Variants in SENP1 observed in about 807,000 individuals in gnomAD.
SENP1 encodes SUMO specific peptidase 1.
In SENP1, 21 loss-of-function variants were observed where a neutral mutation model predicts 93.0. The observed-to-expected ratio is 0.23, with a 90% confidence interval of 0.16 to 0.33. The LOEUF (loss-of-function observed/expected upper bound fraction) is 0.33, where lower values mean the gene tolerates loss of function less well. SENP1 is among the 10% of genes least tolerant of loss of function. SENP1 has a pLI of 1.00. For missense variants in SENP1, 591 were observed against 758.7 expected, an observed-to-expected ratio of 0.78 and a Z score of 2.60; for synonymous variants, 256 against 259.6, an observed-to-expected ratio of 0.99 and a Z score of 0.13.
intron 4 of SENP1, among the ~76,000 whole-genome samples, chr12:48,090,495 A>C (rs1945148630): frequency 6.6e-6 from 1 of 152,224 alleles, no homozygotes. Flanking sequence ...GTTTAAACAG[A>C]AAAAGGTGGT....
Position 48,106,064 on chromosome 12 carries a change from G to A in SENP1, c.-81C>T, listed in dbSNP as rs1391533426. ...CGGCTGCCATGCGAAGGGGTTTCCG[G>A]CCGGGCGCGGAACGCAAAACCCGGG... On this transcript the variant is annotated 5_prime_UTR_variant, in exon 1 of 18. Transcript: ENST00000549518. 2.4e-5 allele frequency: 17 copies of A among 702,322 alleles called. No individual in the cohort carries two copies. In the Admixed American group the frequency reaches 3.4e-4, roughly 14 times the overall value. 43.5% of individuals were successfully genotyped at this position (702,322 alleles called of 1,614,324 possible). A position where few individuals can be genotyped will look rare whatever the true frequency, so the allele number is the denominator to read the frequency against.
At chr12:48,085,221 C>CAA in intron 5 of SENP1, 1 of 1,538,464 alleles carries the variant, frequency 6.5e-7, no homozygotes, top group South Asian at 1.1e-5. Flanking sequence ...CACTTTCCGG[C>CAA]AATTTCTAAA....
chr12:48,057,618 A>G lies in SENP1; in HGVS notation c.1407+6092T>C, dbSNP rs1376439838. The stretch of plus-strand genomic sequence containing the variant: ...TATTTTATATATTTTATATATGTAT[A>G]TATTTTTTAATTGAAACAGTCTTGC... On this transcript the variant is annotated intron_variant, in intron 13 of 17. Coordinates refer to ENST00000549518, the MANE Select transcript of SENP1 (RefSeq NM_001267594.2). Among the ~76,000 whole-genome samples, 3 of 87,450 alleles carry G rather than the reference A, an allele frequency of 3.4e-5. No individual in the cohort carries two copies. In the Admixed American group the frequency reaches 3.9e-4, roughly 11 times the overall value. The allele number at this position is 87,450 out of a possible 152,430, so 57.4% of individuals were successfully genotyped here. A position where few individuals can be genotyped will look rare whatever the true frequency, so the allele number is the denominator to read the frequency against.
chr12:48,077,665 G>A (rs974373580), intron 6 of SENP1, among the ~76,000 whole-genome samples: 1 of 151,872 alleles, frequency 6.6e-6, no homozygotes, highest in African/African-American at 2.4e-5. Context: ...CATGTGCCAC[G>A]TTGGTATGCT....
intron 1 of SENP1, among the ~76,000 whole-genome samples, chr12:48,104,041 T>C (rs1946166667): frequency 6.6e-6 from 1 of 151,810 alleles, no homozygotes; most frequent in Non-Finnish European, 1.5e-5. Flanking sequence ...TGAAACCCTG[T>C]CTCTACGAAA....
chr12:48,098,229 G>T, intron 2 of SENP1, 105 bp from the exon 3 acceptor site: 1 of 1,154,208 alleles, frequency 8.7e-7, no homozygotes, highest in Non-Finnish European at 1.2e-6. Context: ...CCCAGGCATG[G>T]TGTCTCATGC....
At chr12:48,059,294 T>G (rs909034669) in intron 13 of SENP1, among the ~76,000 whole-genome samples, 1 of 152,214 alleles carries the variant, frequency 6.6e-6, no homozygotes, top group Middle Eastern at 3.2e-3. Flanking sequence ...TATCTTTCTT[T>G]GGCTTTTTTT....
intron 5 of SENP1, among the ~76,000 whole-genome samples, chr12:48,084,860 A>C (rs1367947473): frequency 6.6e-6 from 1 of 152,240 alleles, no homozygotes; most frequent in Non-Finnish European, 1.5e-5. Flanking sequence ...AGACTAGAGA[A>C]ACACAGCTGA....
At position 48,048,087 on chromosome 12, in the gene SENP1, A is replaced by G; in HGVS notation, c.1612-7T>C. On this transcript the variant is annotated splice_polypyrimidine_tract_variant and splice_region_variant and intron_variant, in intron 14 of 17. Transcript: ENST00000549518. The stretch of plus-strand genomic sequence containing the variant: ...TCTTTCTAAAGTCCACAACCTGAGA[A>G]TAAGAAAAAAAGTCTCTGTGTTTAT... 1.3e-6 allele frequency: 2 copies of G among 1,577,186 alleles called. No individual in the cohort carries two copies. Among genetic ancestry groups the G allele is most frequent in the Non-Finnish European group, 1.7e-6 (2 of 1,147,210 alleles).
chr12:48,103,818 TCA>T (rs1274553266), intron 1 of SENP1, among the ~76,000 whole-genome samples: 4 of 152,266 alleles, frequency 2.6e-5, no homozygotes, highest in Admixed American at 1.3e-4. Flanking sequence ...ACAAAAAAGA[TCA>T]CAGTCTTGAC....
intron 6 of SENP1, among the ~76,000 whole-genome samples, chr12:48,078,338 C>CATACATATATAT (rs1944272740): frequency 1.5e-4 from 4 of 26,840 alleles, no homozygotes; most frequent in Non-Finnish European, 3.9e-4. Context: ...TATATATACA[C>CATACATATATAT]ACACATATAT....
chr12:48,048,130 T>C (rs375793112), intron 14 of SENP1, 50 bp from the exon 15 acceptor site: 1 of 1,267,292 alleles, frequency 7.9e-7, no homozygotes. Flanking sequence ...AGAAAATCGG[T>C]TTATCAGTTT....
intron 6 of SENP1, among the ~76,000 whole-genome samples, chr12:48,079,817 T>A (rs1390803667): frequency 2.0e-5 from 3 of 152,202 alleles, no homozygotes; most frequent in Admixed American, 6.5e-5. Flanking sequence ...AATAACTTTA[T>A]AAATAATACT....
At chr12:48,097,432 C>G (rs1294219323) in intron 3 of SENP1, among the ~76,000 whole-genome samples, 1 of 152,176 alleles carries the variant, frequency 6.6e-6, no homozygotes, top group African/African-American at 2.4e-5. Context: ...ATCCAAATTA[C>G]TAATGGCTTT....
At chr12:48,073,395 G>A (rs1199689896) in intron 8 of SENP1, among the ~76,000 whole-genome samples, 1 of 149,884 alleles carries the variant, frequency 6.7e-6, no homozygotes, top group Non-Finnish European at 1.5e-5. Flanking sequence ...TCCTGAGTGA[G>A]AATTTTCACA....
chr12:48,105,855 CA>C (rs1946517306), intron 1 of SENP1, 172 bp downstream of exon 1: 1 of 602,548 alleles, frequency 1.7e-6, no homozygotes. Context: ...CACCGGACAG[CA>C]GGGGGGAGGG....
At chr12:48,070,791 T>C (rs528283434) in intron 9 of SENP1, among the ~76,000 whole-genome samples, 1 of 152,272 alleles carries the variant, frequency 6.6e-6, no homozygotes, top group African/African-American at 2.4e-5. Flanking sequence ...GCATGGAAGA[T>C]GGACTAAAGA....
At chr12:48,089,076 C>A in intron 4 of SENP1, 116 bp from the exon 5 acceptor site, 1 of 1,543,028 alleles carries the variant, frequency 6.5e-7, no homozygotes. Context: ...CCATTTCTCT[C>A]ATGGAAGAAA....
intron 13 of SENP1, among the ~76,000 whole-genome samples, chr12:48,062,503 T>C (rs1943024876): frequency 6.6e-6 from 1 of 152,188 alleles, no homozygotes; most frequent in South Asian, 2.1e-4. Flanking sequence ...TTTTATCTTA[T>C]AAACCAACCA....
Sources: allele counts gnomAD v4.1 joint callset (sites outside exome capture counted in the v4.1 genomes callset), GRCh38; gene constraint gnomAD v4.1.1; transcripts MANE v1.5; gene names NCBI Gene and HGNC (gene_info 2026-07-23, HGNC 2026-07-21).